Variants in DYNLRB1 observed in about 807,000 individuals in gnomAD.
DYNLRB1 encodes the protein ROBL/LC7-like 1.
DYNLRB1 carries 6 observed loss-of-function variants against 13.5 expected under a neutral mutation model. The observed-to-expected ratio is 0.44, with a 90% confidence interval of 0.24 to 0.88. DYNLRB1 has a LOEUF of 0.88. DYNLRB1 is among the 40% of genes least tolerant of loss of function. The pLI is 0.21. For missense variants in DYNLRB1, 93 were observed against 127.2 expected (o/e 0.73, Z 1.29); for synonymous variants, 43 against 45.0 (o/e 0.96, Z 0.18).
chr20:34,536,995 G>T (rs115216819), intron 3 of DYNLRB1, among the ~76,000 whole-genome samples: 1 of 152,106 alleles, frequency 6.6e-6, no homozygotes, highest in African/African-American at 2.4e-5. Context: ...ACTTGGCAGC[G>T]GCAGCGTCTC....
intron 3 of DYNLRB1, chr20:34,536,619 C>T: frequency 3.3e-6 from 1 of 304,694 alleles, no homozygotes; most frequent in Non-Finnish European, 4.8e-6. Flanking sequence ...GTGGCGCACA[C>T]CTGTAATCCC....
At chr20:34,539,664 G>A (rs1454392287) in intron 3 of DYNLRB1, among the ~76,000 whole-genome samples, 3 of 152,048 alleles carry the variant, frequency 2.0e-5, no homozygotes, top group African/African-American at 4.8e-5. Context: ...CTGCCACCAA[G>A]CCTGGCTAAT....
At chr20:34,527,270 G>A (rs979801897) in intron 2 of DYNLRB1, among the ~76,000 whole-genome samples, 1 of 152,230 alleles carries the variant, frequency 6.6e-6, no homozygotes, top group African/African-American at 2.4e-5. Context: ...AGTAAGGACA[G>A]GGACTCTGGA....
chr20:34,537,190 G>A (rs948804922), intron 3 of DYNLRB1, among the ~76,000 whole-genome samples: 5 of 152,146 alleles, frequency 3.3e-5, no homozygotes, highest in African/African-American at 1.2e-4. Flanking sequence ...TGCAGGGGGC[G>A]CCCGTGCTCT....
intron 1 of DYNLRB1, 135 bp from the exon 2 acceptor site, chr20:34,526,133 C>A: frequency 1.1e-6 from 1 of 917,904 alleles, no homozygotes. Context: ...GCCTGGGGAA[C>A]TTTGAGGGTG....
intron 1 of DYNLRB1, 71 bp from the exon 2 acceptor site, chr20:34,526,197 A>G: frequency 6.5e-7 from 1 of 1,532,954 alleles, no homozygotes; most frequent in Non-Finnish European, 9.0e-7. Context: ...CGTATGATTC[A>G]TCTGCCTGGG....
chr20:34,540,010 A>G (rs1981455813), intron 3 of DYNLRB1, among the ~76,000 whole-genome samples: 2 of 152,070 alleles, frequency 1.3e-5, no homozygotes, highest in African/African-American at 2.4e-5. Flanking sequence ...AGAAAATGAC[A>G]TTACCCAAGT....
At chr20:34,534,547 T>C in intron 2 of DYNLRB1, 81 bp from the exon 3 acceptor site, 1 of 1,478,674 alleles carries the variant, frequency 6.8e-7, no homozygotes, top group Non-Finnish European at 9.1e-7. Context: ...GCTATTCCAG[T>C]TCTCCCCAAT....
intron 2 of DYNLRB1, chr20:34,529,971 G>T: frequency 7.4e-7 from 1 of 1,347,046 alleles, no homozygotes; most frequent in South Asian, 1.8e-5. Flanking sequence ...CAACTGCCTC[G>T]AGTCCTGTGA....
intron 1 of DYNLRB1, chr20:34,516,789 A>G (rs1360691994): frequency 1.9e-6 from 3 of 1,550,128 alleles, no homozygotes; most frequent in East Asian, 2.4e-5. Context: ...CAACCCTGGC[A>G]ACGTTTCCCG....
chr20:34,521,507 AGT>A (rs1397397691), intron 1 of DYNLRB1, among the ~76,000 whole-genome samples: 1 of 151,952 alleles, frequency 6.6e-6, no homozygotes, highest in Non-Finnish European at 1.5e-5. Context: ...CTGTTAGATT[AGT>A]TATTCTTATA....
At chr20:34,516,899 T>C in intron 1 of DYNLRB1, 1 of 1,472,166 alleles carries the variant, frequency 6.8e-7, no homozygotes. Context: ...TTTAGTCCCA[T>C]TTTGTTATAC....
In DYNLRB1 at chr20:34,526,270, A is replaced by G; in HGVS notation, c.6A>G (p.Ala2=). 1 of 1,613,798 alleles carries G rather than the reference A, an allele frequency of 6.2e-7. No homozygotes were observed. The highest frequency in any genetic ancestry group is 8.5e-7 in the Non-Finnish European group (1 of 1,179,830). Residue 2 remains alanine, a splice_region_variant and synonymous_variant, in exon 2 of 4, where the codon GCA becomes GCG. Coordinates refer to ENST00000357156, the MANE Select transcript of DYNLRB1 (RefSeq NM_014183.4). M[A]EVEETLKRLQ... ...ACCTTGGTCTTGTTTTCTGGCAGGCAGAGGTGGAGGAGACACTGAAGCGAC... is the reference window on the plus strand; with the variant it reads ...ACCTTGGTCTTGTTTTCTGGCAGGCGGAGGTGGAGGAGACACTGAAGCGAC...
intron 1 of DYNLRB1, among the ~76,000 whole-genome samples, chr20:34,523,229 CA>C (rs1482308135): frequency 2.0e-5 from 3 of 152,160 alleles, no homozygotes; most frequent in Non-Finnish European, 4.4e-5. Context: ...AGACCGAGAG[CA>C]GCACCTGGCA....
chr20:34,521,111 C>CG (rs1453620209), intron 1 of DYNLRB1, among the ~76,000 whole-genome samples: 45 of 152,230 alleles, frequency 3.0e-4, no homozygotes, highest in Admixed American at 6.5e-4. Context: ...CTCCCAGGTT[C>CG]AAGCAATTTT....
intron 2 of DYNLRB1, among the ~76,000 whole-genome samples, chr20:34,529,620 T>G (rs1220354903): frequency 6.6e-6 from 1 of 151,500 alleles, no homozygotes. Flanking sequence ...TCCCAGCTAT[T>G]CGGGAGGCTG....
At chr20:34,533,359 A>C (rs548747337) in intron 2 of DYNLRB1, among the ~76,000 whole-genome samples, 1 of 152,324 alleles carries the variant, frequency 6.6e-6, no homozygotes, top group South Asian at 2.1e-4. Flanking sequence ...CAAAGGGTCA[A>C]CATGTTCCAT....
chr20:34,528,716 T>A (rs1980457261), intron 2 of DYNLRB1, among the ~76,000 whole-genome samples: 1 of 152,106 alleles, frequency 6.6e-6, no homozygotes, highest in South Asian at 2.1e-4. Context: ...CTCACACCTG[T>A]TCTCAGCACT....
chr20:34,533,449 C>T (rs2146644871), intron 2 of DYNLRB1: 1 of 985,356 alleles, frequency 1.0e-6, no homozygotes, highest in Non-Finnish European at 1.2e-6. Flanking sequence ...ATAGCTGCTA[C>T]CCAAGCCTCC....
Sources: allele counts gnomAD v4.1 joint callset (sites outside exome capture counted in the v4.1 genomes callset), GRCh38; gene constraint gnomAD v4.1.1; transcripts MANE v1.5; gene names NCBI Gene and HGNC (gene_info 2026-07-23, HGNC 2026-07-21).